Variants in RAPH1 observed in about 807,000 individuals in gnomAD.
The protein encoded by RAPH1 is ras-associated and pleckstrin homology domains-containing protein 1.
Under a neutral mutation model 88.1 loss-of-function variants are expected in RAPH1, and 18 were observed. That is an observed-to-expected ratio of 0.20 (90% CI 0.14 to 0.30). The LOEUF (loss-of-function observed/expected upper bound fraction) is 0.30. RAPH1 is among the 10% of genes least tolerant of loss of function. The probability of loss-of-function intolerance (pLI) is 1.00; values close to 1 mark genes in which losing one functional copy is unlikely to be tolerated. For missense variants in RAPH1, 1,448 were observed against 1,543.2 expected (o/e 0.94, Z 1.03); for synonymous variants, 587 against 559.0 (o/e 1.05, Z -0.71).
intron 2 of RAPH1, among the ~76,000 whole-genome samples, chr2:203,492,271 T>C (rs1000822559): frequency 1.3e-5 from 2 of 151,710 alleles, no homozygotes; most frequent in African/African-American, 2.4e-5. Context: ...GAGAGTTCTG[T>C]TCTTTCTTTC....
At chr2:203,483,458 C>T (rs576638263) in intron 4 of RAPH1, among the ~76,000 whole-genome samples, 6 of 152,202 alleles carry the variant, frequency 3.9e-5, no homozygotes, top group South Asian at 4.1e-4. Flanking sequence ...ATGAACTAGA[C>T]GGATGGAATA....
chr2:203,450,023 CAA>C (rs775580168), intron 10 of RAPH1, among the ~76,000 whole-genome samples: 6 of 70,406 alleles, frequency 8.5e-5, no homozygotes, highest in Non-Finnish European at 1.5e-4. Flanking sequence ...ACTTCGTCTC[CAA>C]AAAAAAAAAA....
chr2:203,440,998 G>A lies in RAPH1; in HGVS notation c.2192C>T (p.Ala731Val), dbSNP rs1435450670. 8 of 1,477,178 alleles carry A rather than the reference G, an allele frequency of 5.4e-6. No homozygotes were observed. The highest frequency in any genetic ancestry group is 7.3e-6 in the Non-Finnish European group (8 of 1,099,636). The allele number at this position is 1,477,178 out of a possible 1,614,324, so 91.5% of individuals were successfully genotyped here. A position where few individuals can be genotyped will look rare whatever the true frequency, so the allele number is the denominator to read the frequency against. Residue 731 changes from alanine to valine, a missense_variant, in exon 14 of 14, where the codon GCA becomes GTA. This residue lies in a region of RAPH1 where 935 missense variants were observed against 890.1 expected (regional missense o/e 1.05). Transcript: ENST00000319170. ...PGSAMAQLKP[A>V]PCAPSLPQFS... ...CTGTGGAAGGGATGGGGCACACGGT[G>A]CAGGCTTTAGCTGGGCCATGGCAGA...
At chr2:203,513,402 T>C (rs1689451176) in intron 1 of RAPH1, among the ~76,000 whole-genome samples, 1 of 131,612 alleles carries the variant, frequency 7.6e-6, no homozygotes, top group Non-Finnish European at 1.6e-5. Context: ...TCGGCCAGGC[T>C]GAAGTGCAGT....
intron 4 of RAPH1, among the ~76,000 whole-genome samples, chr2:203,473,304 T>C: frequency 6.6e-6 from 1 of 152,036 alleles, no homozygotes. Context: ...AAGTATCTTC[T>C]TCCAATTGGT....
rs1234982757 is a variant in RAPH1, at chr2:203,491,044, C to CA, written c.226+169dup. 8.9e-3 allele frequency among the ~76,000 whole-genome samples: 466 copies of CA among 52,334 alleles called. 8 individuals are homozygous for CA. The highest frequency in any genetic ancestry group is 0.073 in the East Asian group (150 of 2,062). 34.3% of individuals were successfully genotyped at this position (52,334 alleles called of 152,430 possible). A position where few individuals can be genotyped will look rare whatever the true frequency, so the allele number is the denominator to read the frequency against. ...GGGCGACAAAAGCGAAACTCTGTCTCAAAAAAAAAAAAAAAAGAAAAAAGA... is the reference window on the plus strand; with the variant it reads ...GGGCGACAAAAGCGAAACTCTGTCTCAAAAAAAAAAAAAAAAAGAAAAAAGA... On this transcript the variant is annotated intron_variant, in intron 3 of 13. Coordinates refer to ENST00000319170, the MANE Select transcript of RAPH1 (RefSeq NM_213589.3).
intron 1 of RAPH1, among the ~76,000 whole-genome samples, chr2:203,506,806 C>CTATATATA (rs1559494440): frequency 1.1e-5 from 1 of 90,542 alleles, no homozygotes; most frequent in African/African-American, 5.7e-5. Flanking sequence ...ATATATATAT[C>CTATATATA]TATATCTATA....
chr2:203,506,794 CTA>C (rs1169335421), intron 1 of RAPH1, among the ~76,000 whole-genome samples: 1,917 of 93,008 alleles, frequency 0.021, 28 homozygotes, highest in Non-Finnish European at 0.03. Flanking sequence ...ATATATATAT[CTA>C]TATATATATC....
chr2:203,454,547 T>C lies in RAPH1; in HGVS notation c.1303-7A>G, dbSNP rs1486272554. Reference sequence around the variant, plus strand: ...ACACCAGATCCCGAGAGACCTAAGATAAAAACACCAAAAAGATAAAATTAA... The same window carrying C: ...ACACCAGATCCCGAGAGACCTAAGACAAAAACACCAAAAAGATAAAATTAA... On this transcript the variant is annotated splice_region_variant and splice_polypyrimidine_tract_variant and intron_variant, in intron 9 of 13. Coordinates refer to ENST00000319170, the MANE Select transcript of RAPH1 (RefSeq NM_213589.3). 3 of 1,592,408 alleles carry C rather than the reference T, an allele frequency of 1.9e-6. No individual in the cohort carries two copies. The highest frequency in any genetic ancestry group is 2.6e-6 in the Non-Finnish European group (3 of 1,162,612).
intron 1 of RAPH1, among the ~76,000 whole-genome samples, chr2:203,532,198 C>G (rs1690419679): frequency 6.6e-6 from 1 of 152,024 alleles, no homozygotes; most frequent in Non-Finnish European, 1.5e-5. Flanking sequence ...TGGATAGTTA[C>G]TGTTTTGTTT....
At chr2:203,461,485 A>G (rs1483910406) in intron 5 of RAPH1, 77 bp from the exon 6 acceptor site, 17 of 1,095,406 alleles carry the variant, frequency 1.6e-5, no homozygotes, top group Non-Finnish European at 2.1e-5. Context: ...AATATCAAAT[A>G]AAATTTGGAT....
chr2:203,520,282 T>G (rs1240324776), intron 1 of RAPH1, among the ~76,000 whole-genome samples: 1 of 151,288 alleles, frequency 6.6e-6, no homozygotes, highest in Non-Finnish European at 1.5e-5. Flanking sequence ...CAGTAAGCTG[T>G]GATCATACTA....
chr2:203,470,147 GAAAAT>G (rs926073689), intron 4 of RAPH1: 141 of 797,062 alleles, frequency 1.8e-4, no homozygotes, highest in Non-Finnish European at 2.6e-4. Context: ...GCTAGAGTAA[GAAAAT>G]AATAATATAA....
At chr2:203,482,645 A>C (rs1418898035) in intron 4 of RAPH1, among the ~76,000 whole-genome samples, 1 of 152,116 alleles carries the variant, frequency 6.6e-6, no homozygotes, top group East Asian at 1.9e-4. Context: ...TAAAATTCCA[A>C]ATTCCAAATT....
Position 203,461,876 on chromosome 2 carries a change from T to G in RAPH1, c.782A>C (p.Glu261Ala), listed in dbSNP as rs764742812. Residue 261 changes from glutamate (E) to alanine (A), a missense_variant, in exon 5 of 14, where the codon GAG becomes GCG. Physicochemically the swap from Glu to Ala is moderately radical, Grantham distance 107. Coordinates refer to ENST00000319170, the MANE Select transcript of RAPH1 (RefSeq NM_213589.3). ...LKAEKIRVAL[E>A]KIKEAQVKKL... is the part of the protein sequence containing the mutation. ...TTTCACTTGTGCCTCTTTAATTTTC[T>G]CTAGGGCAACTCTGATCTTCTCAGC... 6.2e-7 allele frequency: 1 copy of G among 1,609,332 alleles called. No individual in the cohort carries two copies. The highest frequency in any genetic ancestry group is 8.5e-7 in the Non-Finnish European group (1 of 1,177,770).
rs1189420927 is a variant in RAPH1 at position 203,459,948 on chromosome 2, T to C, written c.1051A>G (p.Met351Val). 1 of 1,613,142 alleles carries C rather than the reference T, an allele frequency of 6.2e-7. No homozygotes were observed. Among genetic ancestry groups the C allele is most frequent in the African/African-American group, 1.3e-5 (1 of 74,916 alleles). The change falls in exon 7 of 14, where the codon ATG becomes GTG. Residue 351 changes from methionine (M) to valine (V), a missense_variant. Coordinates refer to ENST00000319170, the MANE Select transcript of RAPH1 (RefSeq NM_213589.3). ...TRDSQNKLIF[M>V]ERIEKYALFK... ...AGTGCATATTTTTCTATACGCTCCA[T>C]AAATATAAGCTTGTTTTGGCTATCT...
chr2:203,515,165 T>C (rs937041340), intron 1 of RAPH1, among the ~76,000 whole-genome samples: 1 of 151,314 alleles, frequency 6.6e-6, no homozygotes, highest in African/African-American at 2.5e-5. Flanking sequence ...TCAGATAATA[T>C]ATTAAAAATA....
chr2:203,452,874 G>A (rs1277027497), intron 10 of RAPH1, among the ~76,000 whole-genome samples: 2 of 151,968 alleles, frequency 1.3e-5, no homozygotes, highest in Admixed American at 6.6e-5. Flanking sequence ...CTTGAACCCG[G>A]GAGGCAGAGG....
intron 6 of RAPH1, among the ~76,000 whole-genome samples, chr2:203,460,722 G>C (rs756092908): frequency 6.6e-6 from 1 of 151,638 alleles, no homozygotes; most frequent in Admixed American, 6.6e-5. Flanking sequence ...AAAATCTGAA[G>C]TGAATTGGAA....
Sources: allele counts gnomAD v4.1 joint callset (sites outside exome capture counted in the v4.1 genomes callset), GRCh38; gene constraint gnomAD v4.1.1; regional missense constraint gnomAD v4.1.1; transcripts MANE v1.5; gene names NCBI Gene and HGNC (gene_info 2026-07-23, HGNC 2026-07-21).